Variants in TMCO5A observed in about 807,000 individuals in gnomAD.
TMCO5A encodes transmembrane and coiled-coil domains 5A, also known as transmembrane and coiled-coil domain-containing protein 5A.
A neutral mutation model predicts 42.3 loss-of-function variants in TMCO5A; 34 were observed. The observed-to-expected ratio is 0.80, with a 90% CI of 0.61 to 1.07. TMCO5A has a LOEUF of 1.07. Ranked by LOEUF, TMCO5A falls within the 50% of genes least tolerant of loss-of-function variation. TMCO5A has a pLI of 0.00. For missense variants in TMCO5A, 357 were observed against 327.9 expected (o/e 1.09, Z -0.69); for synonymous variants, 131 against 115.6 (o/e 1.13, Z -0.86).
chr15:37,979,226 G>A, the TMCO5A span, among the ~76,000 whole-genome samples: 11 of 152,036 alleles, frequency 7.2e-5, no homozygotes, highest in East Asian at 1.9e-4. Context: ...GTAAGGCAGC[G>A]GTGCTGTGCT....
chr15:37,977,158 T>A, the TMCO5A span, among the ~76,000 whole-genome samples: 1 of 152,206 alleles, frequency 6.6e-6, no homozygotes, highest in Non-Finnish European at 1.5e-5. Flanking sequence ...GGGTTTCAAC[T>A]TTCTCCTGAA....
chr15:37,968,056 C>A (rs550312266), downstream of TMCO5A, among the ~76,000 whole-genome samples: 1 of 152,170 alleles, frequency 6.6e-6, no homozygotes, highest in Non-Finnish European at 1.5e-5. Context: ...AATTTGAGAT[C>A]TTGTTCACCC....
At chr15:37,989,697 A>T in the TMCO5A span, among the ~76,000 whole-genome samples, 1 of 152,050 alleles carries the variant, frequency 6.6e-6, no homozygotes, top group Non-Finnish European at 1.5e-5. Context: ...AATACCACAG[A>T]CTGGGTAATC....
chr15:38,036,715 A>T, the TMCO5A span, among the ~76,000 whole-genome samples: 1 of 152,072 alleles, frequency 6.6e-6, no homozygotes, highest in African/African-American at 2.4e-5. Flanking sequence ...CAACTAAAAC[A>T]CCACCTTTTC....
At chr15:38,010,045 A>G in the TMCO5A span, among the ~76,000 whole-genome samples, 1 of 152,036 alleles carries the variant, frequency 6.6e-6, no homozygotes, top group Non-Finnish European at 1.5e-5. Context: ...TTATTAATAG[A>G]GTGGACCCTA....
the TMCO5A span, among the ~76,000 whole-genome samples, chr15:38,003,816 G>A: frequency 6.6e-6 from 1 of 151,922 alleles, no homozygotes; most frequent in Admixed American, 6.6e-5. Context: ...TGTGGCCCAG[G>A]AAGGATCGAG....
downstream of TMCO5A, among the ~76,000 whole-genome samples, chr15:37,954,986 C>T (rs1413851145): frequency 1.3e-5 from 2 of 151,604 alleles, no homozygotes; most frequent in Non-Finnish European, 2.9e-5. Context: ...ATTATATCAC[C>T]AGACAGAATC....
the TMCO5A span, among the ~76,000 whole-genome samples, chr15:37,982,870 A>C: frequency 6.6e-6 from 1 of 150,746 alleles, no homozygotes; most frequent in Non-Finnish European, 1.5e-5. Flanking sequence ...GACAAAGGCA[A>C]AGGATGCCTG....
At chr15:37,980,094 A>G in the TMCO5A span, among the ~76,000 whole-genome samples, 1 of 152,192 alleles carries the variant, frequency 6.6e-6, no homozygotes, top group African/African-American at 2.4e-5. Flanking sequence ...GCCTGCCACT[A>G]CTGGAAACTC....
the TMCO5A span, among the ~76,000 whole-genome samples, chr15:38,038,159 T>C: frequency 6.6e-6 from 1 of 152,348 alleles, no homozygotes; most frequent in East Asian, 1.9e-4. Flanking sequence ...AAAAAAGTGA[T>C]GAGACCCTGT....
chr15:38,012,126 A>AAAAAAAAAAAGAAAAAAAG, the TMCO5A span, among the ~76,000 whole-genome samples: 2 of 150,390 alleles, frequency 1.3e-5, no homozygotes. Context: ...TCCGTCTCAA[A>AAAAAAAAAAAGAAAAAAAG]AAAAAAAGAA....
chr15:38,026,116 C>A, the TMCO5A span, among the ~76,000 whole-genome samples: 1 of 151,982 alleles, frequency 6.6e-6, no homozygotes, highest in Non-Finnish European at 1.5e-5. Context: ...GAAAAGATAC[C>A]CAAAAATGTG....
intron 10 of TMCO5A, among the ~76,000 whole-genome samples, chr15:37,946,841 T>C (rs982478322): frequency 1.3e-5 from 2 of 152,140 alleles, no homozygotes; most frequent in Non-Finnish European, 2.9e-5. Context: ...GAATAGCCTT[T>C]ATTTCTTTCT....
chr15:37,980,566 G>A, the TMCO5A span, among the ~76,000 whole-genome samples: 1 of 133,470 alleles, frequency 7.5e-6, no homozygotes, highest in East Asian at 2.2e-4. Context: ...ATGTTTATTC[G>A]CCTTATTCGC....
At chr15:38,009,398 A>G in the TMCO5A span, among the ~76,000 whole-genome samples, 221 of 152,316 alleles carry the variant, frequency 1.5e-3, 5 homozygotes, top group South Asian at 0.045. Flanking sequence ...GTTTGTGTAA[A>G]TGTGATGTGC....
chr15:37,964,761 G>A (rs2140821067), intron 11 of TMCO5A, among the ~76,000 whole-genome samples: 1 of 152,168 alleles, frequency 6.6e-6, no homozygotes, highest in Admixed American at 6.6e-5. Flanking sequence ...AGAAATTGAA[G>A]AGGACACCAA....
downstream of TMCO5A, among the ~76,000 whole-genome samples, chr15:37,955,124 A>G (rs1890253070): frequency 6.6e-6 from 1 of 151,998 alleles, no homozygotes; most frequent in South Asian, 2.1e-4. Flanking sequence ...TAAGTGGACT[A>G]AACTCTCCAA....
At chr15:37,992,496 G>T in the TMCO5A span, among the ~76,000 whole-genome samples, 17 of 152,098 alleles carry the variant, frequency 1.1e-4, no homozygotes, top group Non-Finnish European at 1.9e-4. Flanking sequence ...CCATTACTGG[G>T]TATATACCCA....
At chr15:37,983,731 G>GTTT in the TMCO5A span, among the ~76,000 whole-genome samples, 1 of 125,940 alleles carries the variant, frequency 7.9e-6, no homozygotes, top group African/African-American at 3.2e-5. Context: ...TTTTTTTTTT[G>GTTT]TTTTTTTTTT....
Sources: allele counts gnomAD v4.1 joint callset (sites outside exome capture counted in the v4.1 genomes callset), GRCh38; gene constraint gnomAD v4.1.1; transcripts MANE v1.5; gene names NCBI Gene and HGNC (gene_info 2026-07-23, HGNC 2026-07-21).